CEP63: variants seen among roughly 807,000 people sequenced by gnomAD.
CEP63 encodes centrosomal protein of 63 kDa.
A neutral mutation model predicts 89.1 loss-of-function variants in CEP63; 84 were observed. The ratio of observed to expected loss-of-function variants is 0.94; its 90% CI spans 0.79 to 1.13. The LOEUF is 1.13. Ranked by LOEUF, CEP63 falls within the 50% of genes most tolerant of loss-of-function variation. The pLI is 0.00. For missense variants in CEP63, 838 were observed against 813.3 expected (o/e 1.03, Z -0.37); for synonymous variants, 267 against 272.5 (o/e 0.98, Z 0.20).
chr3:134,748,238 A>G, the CEP63 span, among the ~76,000 whole-genome samples: 2 of 152,156 alleles, frequency 1.3e-5, no homozygotes, highest in African/African-American at 2.4e-5. Flanking sequence ...GCCTTCACCA[A>G]ATCGTCCCTC....
At chr3:134,754,792 C>A in the CEP63 span, among the ~76,000 whole-genome samples, 2 of 152,188 alleles carry the variant, frequency 1.3e-5, no homozygotes, top group Non-Finnish European at 2.9e-5. Context: ...AGACGCCACG[C>A]CCCCATCTGC....
At chr3:134,631,333 A>T in the CEP63 span, among the ~76,000 whole-genome samples, 2 of 152,230 alleles carry the variant, frequency 1.3e-5, no homozygotes, top group Non-Finnish European at 2.9e-5. Flanking sequence ...GTGAAAAGCG[A>T]TGTAAAGCCA....
the CEP63 span, among the ~76,000 whole-genome samples, chr3:134,667,352 G>A: frequency 6.6e-6 from 1 of 152,198 alleles, no homozygotes; most frequent in African/African-American, 2.4e-5. Context: ...AAATTTCAGG[G>A]CAGCAAGCTT....
chr3:134,688,004 G>T, the CEP63 span, among the ~76,000 whole-genome samples: 1 of 152,234 alleles, frequency 6.6e-6, no homozygotes, highest in African/African-American at 2.4e-5. Flanking sequence ...AAAACATTTT[G>T]TAGTTTCTGA....
the CEP63 span, chr3:134,607,306 T>C: frequency 1 from 980,663 of 985,524 alleles, 487,971 homozygotes; most frequent in Non-Finnish European, 1. Flanking sequence ...GCAAAGGAAG[T>C]CATTGTGTGG....
chr3:134,629,840 C>A, the CEP63 span: 1 of 616,698 alleles, frequency 1.6e-6, no homozygotes, highest in East Asian at 2.8e-5. Flanking sequence ...TTCTTTAAAT[C>A]AAAACAACAA....
At chr3:134,625,044 C>G in the CEP63 span, 3 of 1,587,144 alleles carry the variant, frequency 1.9e-6, no homozygotes, top group Middle Eastern at 1.7e-4. Context: ...GAGCGGCCAG[C>G]TGTCCTACCT....
intron 12 of CEP63, chr3:134,552,224 A>T (rs2109891405): frequency 2.8e-6 from 1 of 356,690 alleles, no homozygotes; most frequent in East Asian, 5.6e-5. Context: ...TTTTTTTGAG[A>T]CGGGGTTTCA....
At chr3:134,770,246 A>T in the CEP63 span, among the ~76,000 whole-genome samples, 1 of 152,216 alleles carries the variant, frequency 6.6e-6, no homozygotes, top group South Asian at 2.1e-4. Context: ...CTAATTCAGG[A>T]CATTCAATAG....
chr3:134,661,812 C>CA, the CEP63 span, among the ~76,000 whole-genome samples: 1 of 150,670 alleles, frequency 6.6e-6, no homozygotes, highest in Non-Finnish European at 1.5e-5. Context: ...TTTGTGCCCC[C>CA]CCCCTCAAAT....
At chr3:134,511,257 T>C in intron 3 of CEP63, 1 of 167,052 alleles carries the variant, frequency 6.0e-6, no homozygotes, top group Admixed American at 6.4e-5. Flanking sequence ...CTTTGTCACC[T>C]TTTCATTTGG....
At chr3:134,519,298 T>C (rs1946915680) in intron 3 of CEP63, among the ~76,000 whole-genome samples, 1 of 144,978 alleles carries the variant, frequency 6.9e-6, no homozygotes, top group African/African-American at 2.5e-5. Context: ...TAATTTTTGC[T>C]TTTTTTTTTT....
chr3:134,627,943 C>T, the CEP63 span: 2 of 737,784 alleles, frequency 2.7e-6, no homozygotes, highest in African/African-American at 3.5e-5. Flanking sequence ...TTCACAGTCT[C>T]CTTGTTCCCA....
downstream of CEP63, among the ~76,000 whole-genome samples, chr3:134,579,276 T>C (rs945238329): frequency 1.3e-5 from 2 of 152,248 alleles, no homozygotes; most frequent in African/African-American, 4.8e-5. Context: ...GTTTGGTTTA[T>C]GCAGAGCTGG....
chr3:134,619,360 C>A, the CEP63 span: 2 of 899,786 alleles, frequency 2.2e-6, no homozygotes, highest in Admixed American at 3.6e-5. Flanking sequence ...ATCACCAGCC[C>A]CAGGAAACTA....
At chr3:134,495,475 G>A (rs923978494) in intron 2 of CEP63, 111 bp downstream of exon 2, 13 of 743,134 alleles carry the variant, frequency 1.7e-5, no homozygotes, top group South Asian at 6.1e-5. Flanking sequence ...ATCAAATAAG[G>A]GTATTTAGTA....
chr3:134,495,927 A>G (rs1366161349), intron 2 of CEP63, among the ~76,000 whole-genome samples: 2 of 152,238 alleles, frequency 1.3e-5, no homozygotes, highest in African/African-American at 4.8e-5. Flanking sequence ...GCTGAATAGT[A>G]TTCCATGATG....
chr3:134,661,300 T>G, the CEP63 span, among the ~76,000 whole-genome samples: 1 of 152,224 alleles, frequency 6.6e-6, no homozygotes, highest in African/African-American at 2.4e-5. Flanking sequence ...TAGACACCAC[T>G]GTGCAAACCA....
At chr3:134,712,478 A>G in the CEP63 span, among the ~76,000 whole-genome samples, 1 of 152,146 alleles carries the variant, frequency 6.6e-6, no homozygotes, top group African/African-American at 2.4e-5. Context: ...AATTATTTTA[A>G]CAAATTTCAT....
Sources: gnomAD v4.1 joint callset for allele counts (sites outside exome capture counted in the v4.1 genomes callset) on GRCh38, gnomAD v4.1.1 for gene constraint, MANE v1.5 for transcripts, NCBI Gene and HGNC (gene_info 2026-07-23, HGNC 2026-07-21) for gene names.